HSPG2: variants seen among roughly 807,000 people sequenced by gnomAD.
HSPG2 encodes basement membrane-specific heparan sulfate proteoglycan core protein.
In HSPG2, 278 loss-of-function variants were observed where a neutral mutation model predicts 526.6. The observed-to-expected ratio is 0.53, with a 90% CI of 0.48 to 0.58. The LOEUF is 0.58. Ranked by LOEUF, HSPG2 falls within the 20% of genes least tolerant of loss-of-function variation. HSPG2 has a pLI of 0.00. For synonymous variants in HSPG2, 2,465 were observed against 2,555.4 expected (o/e 0.96, Z 1.07); for missense variants, 5,354 against 6,099.5 (o/e 0.88, Z 4.07).
In HSPG2 at chr1:21,895,130, C is replaced by T. The variant is rs1313629806; in HGVS notation, c.244+792G>A. ...AGGGTGAAGGCAGCCCTGGATGCCA[C>T]GGGATGGCCCAGTAGTTGGTCTGAC... On this transcript the variant is annotated intron_variant, in intron 3 of 96. Coordinates refer to ENST00000374695, the MANE Select transcript of HSPG2 (RefSeq NM_005529.7). The surrounding 1 kb of genome is among the most constrained non-coding windows in gnomAD (Gnocchi z 4.1). Among the ~76,000 whole-genome samples, 1 of 151,992 alleles carries T rather than the reference C, an allele frequency of 6.6e-6. No individual in the cohort carries two copies. The highest frequency in any genetic ancestry group is 1.5e-5 in the Non-Finnish European group (1 of 67,942).
rs1359527051 is a variant in HSPG2 at position 21,854,273 on chromosome 1, TC to T, written c.6358del (p.Glu2120ArgfsTer52). The T allele has an allele frequency of 6.3e-7, 1 of 1,580,470 alleles. No individual in the cohort carries two copies. Among genetic ancestry groups the T allele is most frequent in the Non-Finnish European group, 8.6e-7 (1 of 1,162,702 alleles). The stretch of plus-strand genomic sequence containing the variant: ...GGCCTCCTTGGGGCCCGATCCATTC[TC>T]CACACGGCACACATATTCTCCAGAA... The part of the protein sequence containing the change: ...ADSGEYVCRV[E>X]NGSGPKEASI... On this transcript the variant is annotated frameshift_variant, in exon 50 of 97. Coordinates refer to ENST00000374695, the MANE Select transcript of HSPG2 (RefSeq NM_005529.7). LOFTEE classifies it high-confidence loss of function.
chr1:21,908,964 C>A (rs1572428095), intron 1 of HSPG2, among the ~76,000 whole-genome samples: 1 of 152,260 alleles, frequency 6.6e-6, no homozygotes, highest in Admixed American at 6.5e-5. Flanking sequence ...AAAAATTAGC[C>A]GGGCATGGTG....
chr1:21,847,588 C>T lies in HSPG2; in HGVS notation c.8026-96G>A. ...CTTCCTGCTCAGCCTGTTGAGGCTGCTATCGGTCTACCCAGGGCCCAATCC... is the reference window on the plus strand; with the variant it reads ...CTTCCTGCTCAGCCTGTTGAGGCTGTTATCGGTCTACCCAGGGCCCAATCC... On this transcript the variant is annotated intron_variant, in intron 61 of 96. Coordinates refer to ENST00000374695, the MANE Select transcript of HSPG2 (RefSeq NM_005529.7). This position sits in a 1 kb window ranked among gnomAD's most constrained non-coding sequence, Gnocchi z 4.1. 1.2e-6 allele frequency: 2 copies of T among 1,604,240 alleles called. No individual in the cohort carries two copies. Among genetic ancestry groups the T allele is most frequent in the Non-Finnish European group, 8.5e-7 (1 of 1,172,732 alleles).
Position 21,839,738 on chromosome 1 carries a change from T to A in HSPG2, c.9709+84A>T. On this transcript the variant is annotated intron_variant, in intron 72 of 96. Coordinates refer to ENST00000374695, the MANE Select transcript of HSPG2 (RefSeq NM_005529.7). This position sits in a 1 kb window ranked among gnomAD's most constrained non-coding sequence, Gnocchi z 4.5. ...GTACTCCCCACCCCTGGGCATGACA[T>A]CATCTCTAGATCACATGTGTCTACA... The A allele has an allele frequency of 6.7e-7, 1 of 1,493,802 alleles. No homozygotes were observed. Among genetic ancestry groups the A allele is most frequent in the Non-Finnish European group, 9.2e-7 (1 of 1,086,242 alleles). 92.5% of individuals were successfully genotyped at this position (1,493,802 alleles called of 1,614,324 possible).
At chr1:21,914,961 G>T (rs7518738) in intron 1 of HSPG2, among the ~76,000 whole-genome samples, 1 of 152,166 alleles carries the variant, frequency 6.6e-6, no homozygotes, top group African/African-American at 2.4e-5. Context: ...CCACAGCCAC[G>T]GCCTCTGTCC....
chr1:21,929,737 C>T (rs533227735), intron 1 of HSPG2, among the ~76,000 whole-genome samples: 63 of 152,278 alleles, frequency 4.1e-4, no homozygotes, highest in African/African-American at 1.5e-3. Flanking sequence ...CTCCATCCTT[C>T]GGGATGCTGA....
Position 21,910,161 on chromosome 1 carries a change from C to A in HSPG2, c.64-13851G>T, listed in dbSNP as rs567609649. ...TGGCGATGTTGGTTCCTCCCTGGGT[C>A]CCCCAGCTGCAGACCAACACAATGG... On this transcript the variant is annotated intron_variant, in intron 1 of 96. Coordinates refer to ENST00000374695, the MANE Select transcript of HSPG2 (RefSeq NM_005529.7). 2.6e-5 allele frequency among the ~76,000 whole-genome samples: 4 copies of A among 152,334 alleles called. No homozygotes were observed. In the South Asian group the frequency reaches 8.3e-4, roughly 32 times the overall value.
chr1:21,874,531 G>A lies in HSPG2; in HGVS notation c.3531C>T (p.Gly1177=). 2 of 1,613,726 alleles carry A rather than the reference G, an allele frequency of 1.2e-6. No homozygotes were observed. Among genetic ancestry groups the A allele is most frequent in the Non-Finnish European group, 1.7e-6 (2 of 1,179,924 alleles). Residue 1177 remains glycine, a splice_region_variant and synonymous_variant, in exon 28 of 97, where the codon GGC becomes GGT. Transcript: ENST00000374695. ...GAGGGCCCTCCGTGTGATGCTGGCAGCCCTGGAGGAGCAGGATGTGAGTTG... is the reference window on the plus strand; with the variant it reads ...GAGGGCCCTCCGTGTGATGCTGGCAACCCTGGAGGAGCAGGATGTGAGTTG... ...ACEPETGACQ[G]CQHHTEGPRC...
In HSPG2 at chr1:21,859,045, C is replaced by T. The variant is rs1271093337; in HGVS notation, c.5293+521G>A. Among the ~76,000 whole-genome samples the T allele has an allele frequency of 6.6e-6, 1 of 151,942 alleles. No homozygotes were observed. ...GACAGGGCAGGGTGACTCTGAGGTGCATTATTATTATTATTTTTTTAAGAC... is the reference window on the plus strand; with the variant it reads ...GACAGGGCAGGGTGACTCTGAGGTGTATTATTATTATTATTTTTTTAAGAC... On this transcript the variant is annotated intron_variant, in intron 42 of 96. Transcript: ENST00000374695. This position sits in a 1 kb window ranked among gnomAD's most constrained non-coding sequence, Gnocchi z 5.3.
At chr1:21,832,779 A>G in intron 80 of HSPG2, 173 bp from the exon 81 acceptor site, 1 of 615,430 alleles carries the variant, frequency 1.6e-6, no homozygotes, top group African/African-American at 1.8e-5. Context: ...GGTGCCCCAA[A>G]CGCAAGGGCC....
In HSPG2 at chr1:21,895,911, C is replaced by T; in HGVS notation, c.244+11G>A. On this transcript the variant is annotated intron_variant, in intron 3 of 96. Transcript: ENST00000374695. This position sits in a 1 kb window ranked among gnomAD's most constrained non-coding sequence, Gnocchi z 4.1. ...AGGAGGGAGACCTGCAGGAGGCCTG[C>T]AGCAACTTACCCATCTGGAAGTCCC... 1 of 1,613,786 alleles carries T rather than the reference C, an allele frequency of 6.2e-7. No homozygotes were observed. Among genetic ancestry groups the T allele is most frequent in the South Asian group, 1.1e-5 (1 of 91,052 alleles).
chr1:21,825,738 A>G (rs557501409), intron 91 of HSPG2, among the ~76,000 whole-genome samples: 2 of 152,168 alleles, frequency 1.3e-5, no homozygotes, highest in East Asian at 1.9e-4. Flanking sequence ...ATTTAACTCA[A>G]TCCTTACAAC....
Position 21,890,294 on chromosome 1 carries a change from T to C in HSPG2, c.413+133A>G, listed in dbSNP as rs1642259999. On this transcript the variant is annotated intron_variant, in intron 5 of 96. Coordinates refer to ENST00000374695, the MANE Select transcript of HSPG2 (RefSeq NM_005529.7). The surrounding 1 kb of genome is among the most constrained non-coding windows in gnomAD (Gnocchi z 4.1). Reference sequence around the variant, plus strand: ...AAGGTCCCAATGATCCCCCGACCAATTCCTGAATTTCCACCCACAGCGACT... The same window carrying C: ...AAGGTCCCAATGATCCCCCGACCAACTCCTGAATTTCCACCCACAGCGACT... 1.7e-5 allele frequency: 21 copies of C among 1,251,594 alleles called. No individual in the cohort carries two copies. In the South Asian group the frequency reaches 2.2e-4, roughly 13 times the overall value. 77.5% of individuals were successfully genotyped at this position (1,251,594 alleles called of 1,614,324 possible).
chr1:21,865,711 G>T lies in HSPG2; in HGVS notation c.4314+6C>A. ...TGCCCACCCAGCATGGTGTCCAAAT[G>T]CTCACCGTGATCTGCACATCGGGGT... On this transcript the variant is annotated splice_donor_region_variant and intron_variant, in intron 34 of 96. Transcript: ENST00000374695. This position sits in a 1 kb window ranked among gnomAD's most constrained non-coding sequence, Gnocchi z 5.4. The T allele has an allele frequency of 6.2e-7, 1 of 1,610,108 alleles. No homozygotes were observed.
intron 10 of HSPG2, 41 bp downstream of exon 10, chr1:21,885,279 C>T (rs1232662754): frequency 2.5e-6 from 4 of 1,613,462 alleles, no homozygotes; most frequent in East Asian, 2.2e-5. Flanking sequence ...CCCCTAGAAC[C>T]CAGCCCAGGG....
intron 37 of HSPG2, among the ~76,000 whole-genome samples, chr1:21,863,175 A>T (rs1229689294): frequency 6.6e-6 from 1 of 150,928 alleles, no homozygotes; most frequent in Non-Finnish European, 1.5e-5. Flanking sequence ...GATCGAGACC[A>T]TCCTGGCTGA....
Position 21,873,939 on chromosome 1 carries a change from C to T in HSPG2, c.3729G>A (p.Gly1243=), listed in dbSNP as rs1419760195. The change falls in exon 29 of 97, where the codon GGG becomes GGA. Residue 1243 remains glycine, a synonymous_variant. Transcript: ENST00000374695. ...TCDACSPGHS[G]RHCERCAPGY... ...CCCTGCCTCACCTCTCACAGTGACG[C>T]CCACTGTGGCCTGGGGAGCACGCAT... is the stretch of plus-strand genomic sequence containing the variant. 2 of 1,596,184 alleles carry T rather than the reference C, an allele frequency of 1.3e-6. No homozygotes were observed. The highest frequency in any genetic ancestry group is 3.5e-5 in the Admixed American group (2 of 57,826).
chr1:21,839,319 C>CG lies in HSPG2; in HGVS notation c.9889+51dup, dbSNP rs1557691976. 20 of 1,586,436 alleles carry CG rather than the reference C, an allele frequency of 1.3e-5. No homozygotes were observed. The highest frequency in any genetic ancestry group is 1.5e-5 in the Non-Finnish European group (18 of 1,165,472). Reference sequence around the variant, plus strand: ...GGTTCTGTGTGGGGTGGAGCCTAGTCGGGGGGCTCAGATCTCCATTTGGTG... The same window carrying CG: ...GGTTCTGTGTGGGGTGGAGCCTAGTCGGGGGGGCTCAGATCTCCATTTGGTG... On this transcript the variant is annotated intron_variant, in intron 73 of 96. Transcript: ENST00000374695. This position sits in a 1 kb window ranked among gnomAD's most constrained non-coding sequence, Gnocchi z 4.5.
At chr1:21,873,484 G>C (rs1374728165) in intron 29 of HSPG2, 60 bp from the exon 30 acceptor site, 2 of 1,508,128 alleles carry the variant, frequency 1.3e-6, no homozygotes, top group Non-Finnish European at 1.8e-6. Context: ...CCCCAGGGCT[G>C]GGCTGAGGGC....
Sources: gnomAD v4.1 joint callset for allele counts (sites outside exome capture counted in the v4.1 genomes callset) on GRCh38, gnomAD v4.1.1 for gene constraint, Gnocchi (gnomAD v3.1) non-coding constraint, MANE v1.5 for transcripts, NCBI Gene and HGNC (gene_info 2026-07-23, HGNC 2026-07-21) for gene names.